ZNF385D: variants seen among roughly 807,000 people sequenced by gnomAD.
The protein encoded by ZNF385D is zinc finger protein 659.
ZNF385D carries 15 observed loss-of-function variants against 35.8 expected under a neutral mutation model. The observed-to-expected ratio is 0.42, with a 90% CI of 0.28 to 0.64. The LOEUF (loss-of-function observed/expected upper bound fraction) is 0.64. ZNF385D is among the 30% of genes least tolerant of loss of function. ZNF385D has a pLI of 0.23. For synonymous variants in ZNF385D, 212 were observed against 186.8 expected (o/e 1.13, Z -1.10); for missense variants, 474 against 494.6 (o/e 0.96, Z 0.39).
At chr3:22,180,914 C>CTTTTTTGTTTTTTTTTTTTTTT (rs1695211922) in intron 2 of ZNF385D, among the ~76,000 whole-genome samples, 1 of 113,010 alleles carries the variant, frequency 8.8e-6, no homozygotes, top group Non-Finnish European at 1.7e-5. Context: ...TGCTTTTGTT[C>CTTTTTTGTTTTTTTTTTTTTTT]TTTTTTTTTT....
At chr3:21,983,187 A>C (rs1343772725) in intron 3 of ZNF385D, among the ~76,000 whole-genome samples, 1 of 144,000 alleles carries the variant, frequency 6.9e-6, no homozygotes, top group Non-Finnish European at 1.5e-5. Flanking sequence ...ATTATACTTT[A>C]AGTTTTAGGG....
At chr3:22,158,086 G>A (rs1465084047) in intron 3 of ZNF385D, among the ~76,000 whole-genome samples, 1 of 152,128 alleles carries the variant, frequency 6.6e-6, no homozygotes, top group African/African-American at 2.4e-5. Flanking sequence ...CATAGCAGAT[G>A]TGTCTGTTCC....
intron 2 of ZNF385D, among the ~76,000 whole-genome samples, chr3:22,356,219 T>C (rs2125504115): frequency 6.6e-6 from 1 of 152,102 alleles, no homozygotes; most frequent in Admixed American, 6.6e-5. Context: ...TTATACCTCA[T>C]AGGTACTCTG....
chr3:21,609,893 T>A (rs2064614188), intron 2 of ZNF385D, among the ~76,000 whole-genome samples: 1 of 151,928 alleles, frequency 6.6e-6, no homozygotes, highest in Admixed American at 6.5e-5. Context: ...GAAAAGAGAG[T>A]CCTGATGGGT....
At chr3:22,307,139 C>T (rs565366408) in intron 2 of ZNF385D, among the ~76,000 whole-genome samples, 23 of 152,086 alleles carry the variant, frequency 1.5e-4, no homozygotes, top group African/African-American at 4.3e-4. Context: ...GAGTTGAATC[C>T]TAAAAAGGGG....
chr3:22,369,935 T>C (rs1456176577), intron 2 of ZNF385D, among the ~76,000 whole-genome samples: 2 of 152,162 alleles, frequency 1.3e-5, no homozygotes, highest in East Asian at 3.8e-4. Flanking sequence ...CACTTAGCAA[T>C]GAGAAATGCA....
At chr3:21,931,910 C>A (rs1701027054) in intron 3 of ZNF385D, among the ~76,000 whole-genome samples, 1 of 151,692 alleles carries the variant, frequency 6.6e-6, no homozygotes, top group South Asian at 2.1e-4. Flanking sequence ...ACCTGTAATC[C>A]CAGCACTTTG....
intron 3 of ZNF385D, among the ~76,000 whole-genome samples, chr3:22,013,730 A>T (rs1309319150): frequency 1.3e-5 from 2 of 152,138 alleles, no homozygotes; most frequent in Non-Finnish European, 2.9e-5. Context: ...CTGACAAAGC[A>T]GGTGAGAGGG....
At chr3:21,843,364 G>C (rs758216614) in intron 3 of ZNF385D, among the ~76,000 whole-genome samples, 2 of 151,906 alleles carry the variant, frequency 1.3e-5, no homozygotes, top group Non-Finnish European at 2.9e-5. Flanking sequence ...AGTGGACCAG[G>C]GGAATTATCC....
At chr3:21,918,749 T>C (rs935394012) in intron 3 of ZNF385D, among the ~76,000 whole-genome samples, 1 of 152,216 alleles carries the variant, frequency 6.6e-6, no homozygotes, top group Non-Finnish European at 1.5e-5. Context: ...TGTCTTTTTA[T>C]TGGCAGAAGT....
At chr3:22,166,390 G>T (rs1489519097) in intron 3 of ZNF385D, among the ~76,000 whole-genome samples, 1 of 152,114 alleles carries the variant, frequency 6.6e-6, no homozygotes, top group South Asian at 2.1e-4. Flanking sequence ...TTTGAATGAA[G>T]AAAGGCATAG....
At chr3:22,140,578 T>C (rs1485349521) in intron 3 of ZNF385D, among the ~76,000 whole-genome samples, 2 of 152,194 alleles carry the variant, frequency 1.3e-5, no homozygotes, top group African/African-American at 2.4e-5. Context: ...TGTAGTTTAA[T>C]AGTATACCAA....
chr3:22,252,869 C>T (rs1479948804), intron 2 of ZNF385D, among the ~76,000 whole-genome samples: 1 of 152,100 alleles, frequency 6.6e-6, no homozygotes, highest in East Asian at 1.9e-4. Flanking sequence ...AAGAGGCACA[C>T]TGGCGAAGAC....
intron 2 of ZNF385D, among the ~76,000 whole-genome samples, chr3:22,202,015 T>C (rs1233636532): frequency 6.6e-6 from 1 of 152,072 alleles, no homozygotes; most frequent in East Asian, 1.9e-4. Context: ...TTAAGGTTTC[T>C]ATTGGTGGCT....
chr3:22,083,256 T>C (rs1700850691), intron 3 of ZNF385D, among the ~76,000 whole-genome samples: 1 of 152,156 alleles, frequency 6.6e-6, no homozygotes, highest in Non-Finnish European at 1.5e-5. Flanking sequence ...AGAAGTAGGC[T>C]TCAGAAGGTC....
chr3:22,172,835 A>C (rs569951182), intron 2 of ZNF385D, among the ~76,000 whole-genome samples: 83 of 152,334 alleles, frequency 5.4e-4, no homozygotes, highest in African/African-American at 1.9e-3. Flanking sequence ...AAATAACTTA[A>C]ATAGACATCC....
At chr3:22,151,381 A>G (rs1451175690) in intron 3 of ZNF385D, among the ~76,000 whole-genome samples, 1 of 152,160 alleles carries the variant, frequency 6.6e-6, no homozygotes, top group Non-Finnish European at 1.5e-5. Flanking sequence ...CACAAGAAAG[A>G]CAGCTTTTGG....
intron 2 of ZNF385D, among the ~76,000 whole-genome samples, chr3:22,212,133 A>C (rs2125262759): frequency 6.6e-6 from 1 of 152,084 alleles, no homozygotes; most frequent in African/African-American, 2.4e-5. Context: ...AATGTCAAAA[A>C]GTTGGGCAGT....
rs370153243 is a variant in ZNF385D, at chr3:22,258,190, GTTAA to G, written c.107-89159_107-89156del. Among the ~76,000 whole-genome samples, 640 of 151,860 alleles carry G rather than the reference GTTAA, an allele frequency of 4.2e-3. 3 individuals are homozygous for G. The highest frequency in any genetic ancestry group is 0.042 in the South Asian group (201 of 4,820). Reference sequence around the variant, plus strand: ...TTAGGGGAAATTTTGCCCCCAAAAAGTTAATTAGAGTAATTTGTTTTGCAAGGAC... The same window carrying G: ...TTAGGGGAAATTTTGCCCCCAAAAAGTTAGAGTAATTTGTTTTGCAAGGAC... On this transcript the variant is annotated intron_variant, in intron 2 of 5. Coordinates refer to the ZNF385D transcript ENST00000494108.
Sources: gnomAD v4.1 joint callset for allele counts (sites outside exome capture counted in the v4.1 genomes callset) on GRCh38, gnomAD v4.1.1 for gene constraint, MANE v1.5 for transcripts, NCBI Gene and HGNC (gene_info 2026-07-23, HGNC 2026-07-21) for gene names.